Variants in MTHFD2L observed in about 807,000 individuals in gnomAD.
MTHFD2L encodes methylenetetrahydrofolate dehydrogenase (NADP+ dependent) 2 like.
A neutral mutation model predicts 34.9 loss-of-function variants in MTHFD2L; 29 were observed. The ratio of observed to expected loss-of-function variants is 0.83; its 90% CI spans 0.62 to 1.13. The LOEUF is 1.13. Ranked by LOEUF, MTHFD2L falls within the 50% of genes most tolerant of loss-of-function variation. The probability of loss-of-function intolerance (pLI) is 0.00; values close to 1 mark genes in which losing one functional copy is unlikely to be tolerated. For synonymous variants in MTHFD2L, 167 were observed against 155.7 expected (o/e 1.07, Z -0.54); for missense variants, 481 against 446.5 (o/e 1.08, Z -0.70).
intron 1 of MTHFD2L, among the ~76,000 whole-genome samples, chr4:74,149,486 T>C (rs1723801616): frequency 6.8e-6 from 1 of 147,012 alleles, no homozygotes; most frequent in African/African-American, 2.4e-5. Flanking sequence ...AAGCAAGTGC[T>C]TGAAGACTGC....
chr4:74,242,580 A>G (rs1319362351), intron 6 of MTHFD2L, among the ~76,000 whole-genome samples: 2 of 152,212 alleles, frequency 1.3e-5, no homozygotes, highest in Admixed American at 6.5e-5. Context: ...CGTACAATAA[A>G]CTAGCTGAAT....
Position 74,128,141 on chromosome 4 carries a change from T to C in MTHFD2L, c.-297+2624T>C, listed in dbSNP as rs541076076. Among the ~76,000 whole-genome samples, 3 of 152,228 alleles carry C rather than the reference T, an allele frequency of 2.0e-5. No individual in the cohort carries two copies. The South Asian group carries it at 6.2e-4, about 32-fold the overall frequency. On this transcript the variant is annotated intron_variant, in intron 1 of 7. Transcript: ENST00000433372. ...ATTGTTGGAGCTCCTTATATATTCT[T>C]GTTACTAATACTTGTGAAATGGATA... is the stretch of plus-strand genomic sequence containing the variant.
At chr4:74,224,704 A>T (rs898502003) in intron 5 of MTHFD2L, among the ~76,000 whole-genome samples, 2 of 152,106 alleles carry the variant, frequency 1.3e-5, no homozygotes, top group Non-Finnish European at 2.9e-5. Flanking sequence ...TGACAAAAAA[A>T]TTTTGCTATT....
chr4:74,138,121 C>T (rs573453321), intron 1 of MTHFD2L, among the ~76,000 whole-genome samples: 86 of 151,428 alleles, frequency 5.7e-4, no homozygotes, highest in African/African-American at 1.9e-3. Flanking sequence ...GTAAATTCGG[C>T]CTTACCTTTC....
chr4:74,186,142 A>G (rs541411979), intron 3 of MTHFD2L, among the ~76,000 whole-genome samples: 239 of 152,256 alleles, frequency 1.6e-3, no homozygotes, highest in African/African-American at 5.4e-3. Flanking sequence ...AATCATTTCC[A>G]TAGATACAGA....
At chr4:74,128,182 C>A (rs1365739526) in intron 1 of MTHFD2L, among the ~76,000 whole-genome samples, 1 of 152,024 alleles carries the variant, frequency 6.6e-6, no homozygotes, top group Non-Finnish European at 1.5e-5. Flanking sequence ...TAAAAATTTT[C>A]TCCCATTCTG....
At chr4:74,277,775 G>A (rs1317020833) in intron 6 of MTHFD2L, among the ~76,000 whole-genome samples, 1 of 151,818 alleles carries the variant, frequency 6.6e-6, no homozygotes, top group Admixed American at 6.6e-5. Context: ...TAGTTATTGG[G>A]GTTTTCTCGT....
chr4:74,266,332 A>G (rs953360825), intron 6 of MTHFD2L, among the ~76,000 whole-genome samples: 1 of 152,130 alleles, frequency 6.6e-6, no homozygotes, highest in Non-Finnish European at 1.5e-5. Context: ...CACTTGCAGA[A>G]GTGCTCCTTT....
intron 2 of MTHFD2L, among the ~76,000 whole-genome samples, chr4:74,116,027 G>T (rs1352689315): frequency 5.3e-5 from 8 of 152,124 alleles, no homozygotes; most frequent in Admixed American, 5.2e-4. Flanking sequence ...GGTTTGTTTT[G>T]TCTAGGATTG....
intron 6 of MTHFD2L, among the ~76,000 whole-genome samples, chr4:74,248,006 G>C (rs1742737441): frequency 3.3e-5 from 5 of 152,150 alleles, no homozygotes; most frequent in Admixed American, 3.3e-4. Context: ...AAATGAGTTA[G>C]GGAGGATTCC....
intron 5 of MTHFD2L, among the ~76,000 whole-genome samples, chr4:74,208,355 C>G (rs575201809): frequency 6.7e-6 from 1 of 148,268 alleles, no homozygotes; most frequent in South Asian, 2.1e-4. Flanking sequence ...CTAAATTCAG[C>G]CATTTAGTAT....
chr4:74,231,374 G>A (rs1397153080), intron 6 of MTHFD2L, among the ~76,000 whole-genome samples: 1 of 152,074 alleles, frequency 6.6e-6, no homozygotes, highest in African/African-American at 2.4e-5. Flanking sequence ...AAGGGGTGGG[G>A]CAAGGAAATA....
chr4:74,150,748 G>A (rs1314968455), intron 1 of MTHFD2L, among the ~76,000 whole-genome samples: 1 of 151,748 alleles, frequency 6.6e-6, no homozygotes, highest in Non-Finnish European at 1.5e-5. Flanking sequence ...AAAAGATACA[G>A]GTATACATGT....
intron 5 of MTHFD2L, among the ~76,000 whole-genome samples, chr4:74,207,763 GA>G (rs1365109692): frequency 1.0e-5 from 1 of 97,800 alleles, no homozygotes; most frequent in East Asian, 2.8e-4. Flanking sequence ...TTGTGAAAAA[GA>G]ACTTTTTTTT....
At chr4:74,220,419 A>G (rs1385711059) in intron 5 of MTHFD2L, among the ~76,000 whole-genome samples, 1 of 151,902 alleles carries the variant, frequency 6.6e-6, no homozygotes, top group African/African-American at 2.4e-5. Context: ...AAGTTTTCCT[A>G]ATTATCTTTG....
chr4:74,269,421 A>G (rs1745688437), intron 6 of MTHFD2L, among the ~76,000 whole-genome samples: 1 of 152,068 alleles, frequency 6.6e-6, no homozygotes, highest in Non-Finnish European at 1.5e-5. Context: ...AATATAGTTT[A>G]TTGAAAACTC....
At chr4:74,130,947 G>A (rs781430792) in intron 1 of MTHFD2L, among the ~76,000 whole-genome samples, 1 of 152,114 alleles carries the variant, frequency 6.6e-6, no homozygotes, top group East Asian at 1.9e-4. Flanking sequence ...ACCAATAATA[G>A]ACAAACAGAG....
chr4:74,278,940 G>A (rs1747056923), intron 6 of MTHFD2L, among the ~76,000 whole-genome samples: 1 of 151,998 alleles, frequency 6.6e-6, no homozygotes, highest in Admixed American at 6.6e-5. Flanking sequence ...AAATGCATTG[G>A]TCGACAGTTT....
upstream of MTHFD2L, among the ~76,000 whole-genome samples, chr4:74,122,628 T>A (rs1721821145): frequency 6.6e-6 from 1 of 152,116 alleles, no homozygotes; most frequent in Admixed American, 6.6e-5. Flanking sequence ...GACCTAATCA[T>A]AAGGAAACAT....
Sources: allele counts gnomAD v4.1 joint callset (sites outside exome capture counted in the v4.1 genomes callset), GRCh38; gene constraint gnomAD v4.1.1; transcripts MANE v1.5; gene names NCBI Gene and HGNC (gene_info 2026-07-23, HGNC 2026-07-21).